The following DCLRE1C variants were observed in gnomAD, a reference collection of about 807,000 sequenced individuals.
The protein encoded by DCLRE1C is DNA cross-link repair 1C.
In DCLRE1C, 47 loss-of-function variants were observed where a neutral mutation model predicts 61.4. That is an observed-to-expected ratio of 0.77 (90% CI 0.61 to 0.98). The LOEUF (loss-of-function observed/expected upper bound fraction) is 0.98. Ranked by LOEUF, DCLRE1C falls within the 50% of genes least tolerant of loss-of-function variation. The pLI, the probability that DCLRE1C is intolerant of heterozygous loss-of-function variation, is 0.00. For missense variants in DCLRE1C, 858 were observed against 816.0 expected, an observed-to-expected ratio of 1.05 and a Z score of -0.63; for synonymous variants, 337 against 287.6, an observed-to-expected ratio of 1.17 and a Z score of -1.74.
At position 14,905,901 on chromosome 10, in the gene DCLRE1C, G is replaced by C. The variant is rs1419472599; in HGVS notation, c.*2507C>G. 6.6e-6 allele frequency among the ~76,000 whole-genome samples: 1 copy of C among 152,172 alleles called. No individual in the cohort carries two copies. The highest frequency in any genetic ancestry group is 1.5e-5 in the Non-Finnish European group (1 of 68,026). Reference sequence around the variant, plus strand: ...GGAGGCTGAGGCAGGAAAATCACTTGAACCCTGGAGGCTGAGGTTGCAGTG... The same window carrying C: ...GGAGGCTGAGGCAGGAAAATCACTTCAACCCTGGAGGCTGAGGTTGCAGTG... On this transcript the variant is annotated 3_prime_UTR_variant, in exon 14 of 14. Coordinates refer to ENST00000378278, the MANE Select transcript of DCLRE1C (RefSeq NM_001033855.3).
intron 11 of DCLRE1C, 58 bp downstream of exon 11, chr10:14,926,785 C>G (rs1838061120): frequency 2.2e-6 from 3 of 1,388,404 alleles, no homozygotes; most frequent in Non-Finnish European, 3.1e-6. Flanking sequence ...TACCTGTCAA[C>G]TACCAAGGCT....
At chr10:14,924,859 A>G (rs1241406628) in intron 11 of DCLRE1C, among the ~76,000 whole-genome samples, 1 of 152,002 alleles carries the variant, frequency 6.6e-6, no homozygotes, top group Non-Finnish European at 1.5e-5. Flanking sequence ...AAAAATAAAT[A>G]AATAAAAATT....
chr10:14,938,139 C>A (rs987120128), intron 4 of DCLRE1C, among the ~76,000 whole-genome samples: 1 of 152,046 alleles, frequency 6.6e-6, no homozygotes, highest in Non-Finnish European at 1.5e-5. Context: ...GCTGGATAAA[C>A]AATGCATAAA....
In DCLRE1C at chr10:14,934,758, C is replaced by CT. The variant is rs1839622622; in HGVS notation, c.481dup (p.Ser161LysfsTer10). Reference sequence around the variant, plus strand: ...ACAGAACGTAGTATCCAAATATACACTTTGGATGTCTTTGACTCTGAAAAG... The same window carrying CT: ...ACAGAACGTAGTATCCAAATATACACTTTTGGATGTCTTTGACTCTGAAAAG... On this transcript the variant is annotated frameshift_variant, in exon 7 of 14. Coordinates refer to ENST00000378278, the MANE Select transcript of DCLRE1C (RefSeq NM_001033855.3). LOFTEE classifies it high-confidence loss of function. 6.2e-7 allele frequency: 1 copy of CT among 1,612,420 alleles called. No individual in the cohort carries two copies.
At chr10:14,920,543 T>A in intron 12 of DCLRE1C, 1 of 348,132 alleles carries the variant, frequency 2.9e-6, no homozygotes, top group Non-Finnish European at 4.0e-6. Flanking sequence ...CCACAGCTGT[T>A]CTCTGGATCC....
At chr10:14,936,410 A>G (rs542186677) in intron 5 of DCLRE1C, 128 bp downstream of exon 5, 1 of 700,132 alleles carries the variant, frequency 1.4e-6, no homozygotes, top group Non-Finnish European at 2.5e-6. Context: ...AGCCTCCCAA[A>G]GCACTGGGAT....
At chr10:14,901,370 A>T, downstream of DCLRE1C, 2 of 1,433,056 alleles carry the variant, frequency 1.4e-6, no homozygotes, top group South Asian at 1.3e-5. Flanking sequence ...CTAAAGATGA[A>T]AAGTTGAGGC....
downstream of DCLRE1C, among the ~76,000 whole-genome samples, chr10:14,901,593 G>A (rs1448405570): frequency 6.8e-6 from 1 of 146,360 alleles, no homozygotes; most frequent in African/African-American, 2.5e-5. Context: ...GCTCCTGCCT[G>A]TAATCCCAGC....
chr10:14,931,323 G>C (rs1313620329), intron 9 of DCLRE1C, among the ~76,000 whole-genome samples: 1 of 152,194 alleles, frequency 6.6e-6, no homozygotes, highest in Non-Finnish European at 1.5e-5. Context: ...CACTTTGGGA[G>C]GCCAAGGTGT....
In DCLRE1C at chr10:14,923,067, A is replaced by C; in HGVS notation, c.975T>G (p.Ile325Met). ...CFSFHSSYSE[I>M]KDFLSYLCPV... ...GACAGAGGTAGCTCAAGAAATCTTTAATCTAGAAAAAGGAAAATCACATGG... is the reference window on the plus strand; with the variant it reads ...GACAGAGGTAGCTCAAGAAATCTTTCATCTAGAAAAAGGAAAATCACATGG... The change falls in exon 12 of 14, where the codon ATT (isoleucine) becomes ATG (methionine). Residue 325 changes from isoleucine to methionine, a missense_variant and splice_region_variant. Transcript: ENST00000378278. The C allele has an allele frequency of 2.5e-6, 4 of 1,612,414 alleles. No individual in the cohort carries two copies. The highest frequency in any genetic ancestry group is 2.5e-6 in the Non-Finnish European group (3 of 1,178,438).
chr10:14,901,560 TA>T, downstream of DCLRE1C, among the ~76,000 whole-genome samples: 1 of 151,792 alleles, frequency 6.6e-6, no homozygotes, highest in East Asian at 1.9e-4. Flanking sequence ...TTTTTTTTTT[TA>T]AATTGTGGGC....
Position 14,906,231 on chromosome 10 carries a change from A to G in DCLRE1C, c.*2177T>C, listed in dbSNP as rs755949810. Among the ~76,000 whole-genome samples, 2 of 152,188 alleles carry G rather than the reference A, an allele frequency of 1.3e-5. No individual in the cohort carries two copies. The highest frequency in any genetic ancestry group is 6.5e-5 in the Admixed American group (1 of 15,282). ...GTACATGGGGATTAGAAATGTATCT[A>G]CCTCAAAGGGTGGTTGTGAAAATTA... On this transcript the variant is annotated 3_prime_UTR_variant, in exon 14 of 14. Transcript: ENST00000378278.
chr10:14,935,828 T>C (rs1284351003), intron 5 of DCLRE1C, among the ~76,000 whole-genome samples: 1 of 152,240 alleles, frequency 6.6e-6, no homozygotes, highest in African/African-American at 2.4e-5. Context: ...TATGTTGAGA[T>C]CATTCTTGCT....
intron 3 of DCLRE1C, among the ~76,000 whole-genome samples, chr10:14,940,794 A>T (rs534098446): frequency 0.01 from 1,529 of 152,324 alleles, 23 homozygotes; most frequent in African/African-American, 0.035. Context: ...GGAATGAAAC[A>T]TCTTATTCAT....
rs765379729 is a variant in DCLRE1C, at chr10:14,909,048, T to C, written c.1439A>G (p.Gln480Arg). 1 of 1,614,214 alleles carries C rather than the reference T, an allele frequency of 6.2e-7. No individual in the cohort carries two copies. Among genetic ancestry groups the C allele is most frequent in the Non-Finnish European group, 8.5e-7 (1 of 1,180,022 alleles). ...QGDLGSVLHL[Q>R]KADGDVPQWE... ...CTGGGGTACATCCCCATCAGCCTTT[T>C]GCAGGTGAAGTACAGAGCCCAGATC... The change falls in exon 14 of 14, where the codon CAA becomes CGA. Residue 480 changes from glutamine to arginine, a missense_variant. Physicochemically the swap from Gln to Arg is conservative, Grantham distance 43 (BLOSUM62 1). This residue lies in a region of DCLRE1C where 843 missense variants were observed against 783.5 expected (regional missense o/e 1.08). Transcript: ENST00000378278.
At chr10:14,953,595 G>A (rs1290747910) in intron 1 of DCLRE1C, among the ~76,000 whole-genome samples, 3 of 152,072 alleles carry the variant, frequency 2.0e-5, no homozygotes, top group Non-Finnish European at 2.9e-5. Context: ...GGCTCTGAGG[G>A]AAGTACTAAC....
At chr10:14,902,339 A>C, downstream of DCLRE1C, 1 of 1,140,952 alleles carries the variant, frequency 8.8e-7, no homozygotes, top group Non-Finnish European at 1.2e-6. Context: ...ATATAATAGA[A>C]AATTTGAAAT....
At chr10:14,925,766 C>G (rs114714692) in intron 11 of DCLRE1C, among the ~76,000 whole-genome samples, 1 of 152,116 alleles carries the variant, frequency 6.6e-6, no homozygotes, top group African/African-American at 2.4e-5. Context: ...AATAAGATCA[C>G]CAACAAAAAG....
intron 9 of DCLRE1C, 138 bp downstream of exon 9, chr10:14,932,716 G>A (rs1394874621): frequency 1.1e-6 from 1 of 944,772 alleles, no homozygotes; most frequent in Non-Finnish European, 1.7e-6. Flanking sequence ...ACAGTTCCAT[G>A]ACCTTGAGCT....
Sources: allele counts gnomAD v4.1 joint callset (sites outside exome capture counted in the v4.1 genomes callset), GRCh38; gene constraint gnomAD v4.1.1; regional missense constraint gnomAD v4.1.1; transcripts MANE v1.5; gene names NCBI Gene and HGNC (gene_info 2026-07-23, HGNC 2026-07-21).